The following PALS2 variants were observed in gnomAD, a reference collection of about 807,000 sequenced individuals.
PALS2 encodes protein associated with LIN7 2, MAGUK p55 family member.
A neutral mutation model predicts 61.6 loss-of-function variants in PALS2; 27 were observed. That is an observed-to-expected ratio of 0.44 (90% confidence interval 0.32 to 0.60). PALS2 has a LOEUF of 0.60. PALS2 is among the 20% of genes least tolerant of loss of function. PALS2 has a pLI of 0.05. For synonymous variants in PALS2, 236 were observed against 218.6 expected (o/e 1.08, Z -0.70); for missense variants, 554 against 639.4 (o/e 0.87, Z 1.44).
intron 5 of PALS2, among the ~76,000 whole-genome samples, chr7:24,656,844 T>C (rs2128082574): frequency 6.6e-6 from 1 of 152,322 alleles, no homozygotes; most frequent in South Asian, 2.1e-4. Flanking sequence ...CCAGCTTCTT[T>C]GTGTCCACTT....
intron 5 of PALS2, among the ~76,000 whole-genome samples, chr7:24,653,414 A>T (rs1786261030): frequency 6.6e-6 from 1 of 152,094 alleles, no homozygotes; most frequent in Admixed American, 6.5e-5. Flanking sequence ...AATAGAACAA[A>T]CATTATTCTG....
intron 1 of PALS2, among the ~76,000 whole-genome samples, chr7:24,580,829 A>G (rs972720055): frequency 6.6e-6 from 1 of 152,182 alleles, no homozygotes; most frequent in African/African-American, 2.4e-5. Context: ...GCTGATGTAA[A>G]CATTTGATAA....
chr7:24,574,115 C>T (rs1782559650), intron 1 of PALS2: 1 of 152,416 alleles, frequency 6.6e-6, no homozygotes, highest in East Asian at 1.9e-4. Context: ...CCGCCGGCTC[C>T]CGGTTCTCTC....
chr7:24,666,067 G>C lies in PALS2; in HGVS notation c.930G>C (p.Met310Ile), dbSNP rs1425155233. 1 of 1,611,600 alleles carries C rather than the reference G, an allele frequency of 6.2e-7. No homozygotes were observed. Among genetic ancestry groups the C allele is most frequent in the Non-Finnish European group, 8.5e-7 (1 of 1,178,514 alleles). The change falls in exon 8 of 12, where the codon ATG (methionine) becomes ATC (isoleucine). Residue 310 changes from methionine (M) to isoleucine (I), a missense_variant. Transcript: ENST00000222644. ...GTAGCAAAAAAAAGAAAAAGATGAT[G>C]TATCTCACAACCAGAAATGCAGGTA... Reference protein sequence around the residue: ...TISSKKKKKMMYLTTRNAEFD... With the variant: ...TISSKKKKKMIYLTTRNAEFD...
chr7:24,660,950 A>G (rs1483832937), intron 5 of PALS2, among the ~76,000 whole-genome samples: 1 of 152,118 alleles, frequency 6.6e-6, no homozygotes, highest in African/African-American at 2.4e-5. Context: ...TTGTATTTCT[A>G]CTCTGAGTGA....
chr7:24,588,185 G>A lies in PALS2; in HGVS notation c.-3+14592G>A, dbSNP rs1783146414. On this transcript the variant is annotated intron_variant, in intron 1 of 11. Coordinates refer to ENST00000222644, the MANE Select transcript of PALS2 (RefSeq NM_001303037.2). ...AGTAGGCAGGTTCTTCCCTGGACAT[G>A]TTTGGAGACATAGGTCAATTTTTTT... 2.0e-5 allele frequency among the ~76,000 whole-genome samples: 3 copies of A among 152,150 alleles called. No homozygotes were observed. In the South Asian group the frequency reaches 6.2e-4, roughly 32 times the overall value.
intron 5 of PALS2, among the ~76,000 whole-genome samples, chr7:24,661,664 T>C (rs1457868771): frequency 2.6e-5 from 4 of 152,212 alleles, no homozygotes; most frequent in Non-Finnish European, 5.9e-5. Context: ...CCTTTAACTT[T>C]TTGTTCTATC....
At chr7:24,607,561 A>G (rs1179843439) in intron 1 of PALS2, among the ~76,000 whole-genome samples, 1 of 146,988 alleles carries the variant, frequency 6.8e-6, no homozygotes, top group African/African-American at 2.6e-5. Flanking sequence ...ATGTATGTGT[A>G]TATATACATA....
At chr7:24,676,286 G>A (rs1191209784) in intron 9 of PALS2, among the ~76,000 whole-genome samples, 1 of 151,684 alleles carries the variant, frequency 6.6e-6, no homozygotes, top group Non-Finnish European at 1.5e-5. Flanking sequence ...CCCTTTGTCA[G>A]ATGAGTAGGT....
At chr7:24,647,556 A>G (rs961638837) in intron 3 of PALS2, among the ~76,000 whole-genome samples, 1 of 152,106 alleles carries the variant, frequency 6.6e-6, no homozygotes, top group African/African-American at 2.4e-5. Flanking sequence ...GTAAATCAGA[A>G]TTTTCATTAG....
intron 1 of PALS2, among the ~76,000 whole-genome samples, chr7:24,621,071 A>C (rs184700869): frequency 2.1e-4 from 32 of 152,272 alleles, no homozygotes; most frequent in Middle Eastern, 3.4e-3. Flanking sequence ...AATTGATTCT[A>C]TTGTTCCCTG....
At chr7:24,664,215 T>C (rs376655617) in intron 6 of PALS2, among the ~76,000 whole-genome samples, 2 of 152,294 alleles carry the variant, frequency 1.3e-5, no homozygotes, top group African/African-American at 4.8e-5. Flanking sequence ...AGGTTCACTC[T>C]ATCAGTTTTG....
At chr7:24,648,241 G>A (rs975122007) in intron 3 of PALS2, among the ~76,000 whole-genome samples, 1 of 145,852 alleles carries the variant, frequency 6.9e-6, no homozygotes, top group Non-Finnish European at 1.5e-5. Context: ...CCTCAAGAAT[G>A]TTAACTTATC....
In PALS2 at chr7:24,573,622, G is replaced by A. The variant is rs1167249161; in HGVS notation, c.-3+29G>A. 1 of 334,936 alleles carries A rather than the reference G, an allele frequency of 3.0e-6. No homozygotes were observed. Among genetic ancestry groups the A allele is most frequent in the East Asian group, 4.4e-5 (1 of 22,676 alleles). The allele number at this position is 334,936 out of a possible 1,614,324, so 20.7% of individuals were successfully genotyped here. ...AGTTAACTGGACCCCCACGCCGCTC[G>A]GGTAACGGTCGCGCCGCGCGCCGGG... On this transcript the variant is annotated intron_variant, in intron 1 of 11. Transcript: ENST00000222644. The surrounding 1 kb of genome is among the most constrained non-coding windows in gnomAD (Gnocchi z 5.3).
At chr7:24,629,899 G>A (rs1297324772) in intron 2 of PALS2, among the ~76,000 whole-genome samples, 1 of 152,142 alleles carries the variant, frequency 6.6e-6, no homozygotes, top group African/African-American at 2.4e-5. Context: ...ATTAATTCAA[G>A]CATTGTGGAA....
intron 1 of PALS2, among the ~76,000 whole-genome samples, chr7:24,595,260 T>C (rs114839748): frequency 1.3e-3 from 200 of 151,178 alleles, no homozygotes; most frequent in African/African-American, 4.7e-3. Flanking sequence ...GAAGACCAGA[T>C]TTAGGAAGTA....
intron 6 of PALS2, among the ~76,000 whole-genome samples, chr7:24,665,232 C>T (rs1427015071): frequency 1.3e-5 from 2 of 152,164 alleles, no homozygotes; most frequent in Admixed American, 6.5e-5. Context: ...TTAAGGTTGA[C>T]AGTAAATATC....
At chr7:24,663,969 G>GT (rs1786878593) in intron 6 of PALS2, among the ~76,000 whole-genome samples, 1 of 152,074 alleles carries the variant, frequency 6.6e-6, no homozygotes, top group African/African-American at 2.4e-5. Context: ...AGACCAATTG[G>GT]TTTTTTTCAC....
chr7:24,657,940 C>T (rs1324677325), intron 5 of PALS2, among the ~76,000 whole-genome samples: 1 of 152,096 alleles, frequency 6.6e-6, no homozygotes, highest in East Asian at 1.9e-4. Flanking sequence ...TTTTCCAGCT[C>T]AGTTTGTTGA....
Sources: gnomAD v4.1 joint callset for allele counts (sites outside exome capture counted in the v4.1 genomes callset) on GRCh38, gnomAD v4.1.1 for gene constraint, Gnocchi (gnomAD v3.1) non-coding constraint, MANE v1.5 for transcripts, NCBI Gene and HGNC (gene_info 2026-07-23, HGNC 2026-07-21) for gene names.